LANCL2: variants seen among roughly 807,000 people sequenced by gnomAD.
LANCL2 encodes the protein LanC like glutathione S-transferase 2.
A neutral mutation model predicts 56.9 loss-of-function variants in LANCL2; 33 were observed. The ratio of observed to expected loss-of-function variants is 0.58; its 90% CI spans 0.44 to 0.78. The LOEUF (loss-of-function observed/expected upper bound fraction) is 0.78. Among genes scored for constraint, LANCL2 ranks in the 30% least tolerant of loss-of-function variants. The pLI is 0.00. For synonymous variants in LANCL2, 233 were observed against 228.2 expected (o/e 1.02, Z -0.19); for missense variants, 562 against 580.2 (o/e 0.97, Z 0.32).
At chr7:55,372,611 A>G (rs1789955940) in intron 1 of LANCL2, among the ~76,000 whole-genome samples, 1 of 152,238 alleles carries the variant, frequency 6.6e-6, no homozygotes, top group South Asian at 2.1e-4. Context: ...GTTAGTACCT[A>G]GGTACACATA....
At chr7:55,379,790 A>G (rs1361252404) in intron 1 of LANCL2, 1 of 152,596 alleles carries the variant, frequency 6.6e-6, no homozygotes, top group East Asian at 1.9e-4. Context: ...TTACAAGCAC[A>G]TCACCAAAAC....
At chr7:55,399,436 T>C (rs1329695279) in intron 3 of LANCL2, among the ~76,000 whole-genome samples, 1 of 149,964 alleles carries the variant, frequency 6.7e-6, no homozygotes, top group Middle Eastern at 3.2e-3. Context: ...GTCCGCCTCC[T>C]GGGTTCAAGG....
chr7:55,421,932 A>C (rs547908548), intron 6 of LANCL2, among the ~76,000 whole-genome samples: 1 of 151,518 alleles, frequency 6.6e-6, no homozygotes, highest in African/African-American at 2.4e-5. Flanking sequence ...GGTCCTCACT[A>C]TGTTGCCCAG....
intron 5 of LANCL2, among the ~76,000 whole-genome samples, chr7:55,405,907 A>T (rs200630212): frequency 7.9e-4 from 2 of 2,536 alleles, no homozygotes; most frequent in African/African-American, 0.014. Context: ...TAGAGCCAGC[A>T]TGGGGAGCTG....
At position 55,365,893 on chromosome 7, in the gene LANCL2, T is replaced by C; in HGVS notation, c.-133T>C. The C allele has an allele frequency of 1.6e-6, 1 of 644,070 alleles. No homozygotes were observed. The highest frequency in any genetic ancestry group is 2.4e-6 in the Non-Finnish European group (1 of 412,130). 39.9% of individuals were successfully genotyped at this position (644,070 alleles called of 1,614,324 possible). ...AGTGCACGCTCAGACGCCCCGCTCC[T>C]CCCGCCAGCGCGCGGCCTCGCTCCT... On this transcript the variant is annotated 5_prime_UTR_variant, in exon 1 of 9. Transcript: ENST00000254770.
chr7:55,430,724 C>T (rs12718964), intron 8 of LANCL2, among the ~76,000 whole-genome samples: 41,659 of 152,110 alleles, frequency 0.27, 6,214 homozygotes, highest in Non-Finnish European at 0.33. Context: ...CTACTAGCAC[C>T]TTCTCCACCC....
At chr7:55,422,958 C>T (rs1309307319) in intron 6 of LANCL2, among the ~76,000 whole-genome samples, 1 of 152,218 alleles carries the variant, frequency 6.6e-6, no homozygotes, top group Non-Finnish European at 1.5e-5. Flanking sequence ...AACAGGGACT[C>T]TAGCCCTGCC....
At position 55,404,870 on chromosome 7, in the gene LANCL2, T is replaced by C. The variant is rs191428693; in HGVS notation, c.825+3550T>C. On this transcript the variant is annotated intron_variant, in intron 5 of 8. Transcript: ENST00000254770. ...CTCTGGTGATCCACCCACCTCAGCC[T>C]CCCAAAGTACTGGGATTACAGGCTT... is the stretch of plus-strand genomic sequence containing the variant. Among the ~76,000 whole-genome samples the C allele has an allele frequency of 4.2e-3, 638 of 152,316 alleles. 4 individuals carry two copies. The highest frequency in any genetic ancestry group is 0.016 in the South Asian group (76 of 4,828).
At chr7:55,417,133 C>G (rs1790552534) in intron 6 of LANCL2, among the ~76,000 whole-genome samples, 1 of 151,954 alleles carries the variant, frequency 6.6e-6, no homozygotes, top group Admixed American at 6.6e-5. Flanking sequence ...GCGCCCGTCA[C>G]CACGCCTGGC....
chr7:55,428,725 GTTTA>G (rs1429462970), intron 8 of LANCL2, among the ~76,000 whole-genome samples: 33 of 152,250 alleles, frequency 2.2e-4, no homozygotes, highest in African/African-American at 7.7e-4. Context: ...GGAAGAAATA[GTTTA>G]CTCCTCTGCA....
chr7:55,421,175 A>G (rs558766774), intron 6 of LANCL2, among the ~76,000 whole-genome samples: 3 of 151,852 alleles, frequency 2.0e-5, no homozygotes, highest in African/African-American at 4.8e-5. Context: ...TATATATTTA[A>G]TGTAATTATT....
chr7:55,387,691 C>A (rs1790140327), intron 1 of LANCL2, among the ~76,000 whole-genome samples: 1 of 151,890 alleles, frequency 6.6e-6, no homozygotes. Flanking sequence ...AAATTATAAC[C>A]AACTTAATTA....
chr7:55,409,615 G>A (rs776500505), intron 5 of LANCL2, among the ~76,000 whole-genome samples: 7 of 152,150 alleles, frequency 4.6e-5, no homozygotes. Context: ...ATACAAGACA[G>A]GGGAGCAGAA....
intron 1 of LANCL2, among the ~76,000 whole-genome samples, chr7:55,387,032 T>C (rs986785526): frequency 2.0e-5 from 3 of 152,200 alleles, no homozygotes; most frequent in African/African-American, 7.2e-5. Context: ...CTCTAGAAGA[T>C]AAAAGTTTGG....
At chr7:55,414,061 A>G (rs370485202) in intron 6 of LANCL2, among the ~76,000 whole-genome samples, 1 of 152,368 alleles carries the variant, frequency 6.6e-6, no homozygotes, top group East Asian at 1.9e-4. Context: ...ATGTACAATT[A>G]TTATATATCA....
chr7:55,381,246 C>G (rs1158663033), intron 1 of LANCL2, among the ~76,000 whole-genome samples: 1 of 152,128 alleles, frequency 6.6e-6, no homozygotes, highest in African/African-American at 2.4e-5. Flanking sequence ...GTCTTTTATC[C>G]TGGAGCTAAG....
chr7:55,422,681 T>G (rs1790621324), intron 6 of LANCL2, among the ~76,000 whole-genome samples: 1 of 152,198 alleles, frequency 6.6e-6, no homozygotes, highest in African/African-American at 2.4e-5. Context: ...ATTTCTTCTG[T>G]TATGTCCAGC....
At chr7:55,386,853 T>C (rs1372940979) in intron 1 of LANCL2, among the ~76,000 whole-genome samples, 1 of 152,150 alleles carries the variant, frequency 6.6e-6, no homozygotes, top group African/African-American at 2.4e-5. Flanking sequence ...GATTGTGGAA[T>C]GTAGGATATT....
At position 55,425,383 on chromosome 7, in the gene LANCL2, C is replaced by T; in HGVS notation, c.1138C>T (p.Leu380Phe). 1 of 1,614,182 alleles carries T rather than the reference C, an allele frequency of 6.2e-7. No individual in the cohort carries two copies. Among genetic ancestry groups the T allele is most frequent in the Non-Finnish European group, 8.5e-7 (1 of 1,180,024 alleles). ...TGGCAACGGCTATTCCTTCCTGTCCCTTTACCGTCTCACGCAGGATAAGAA... is the reference window on the plus strand; with the variant it reads ...TGGCAACGGCTATTCCTTCCTGTCCTTTTACCGTCTCACGCAGGATAAGAA... ...TAGNGYSFLS[L>F]YRLTQDKKYL... The change falls in exon 7 of 9, where the codon CTT becomes TTT. Residue 380 changes from leucine (L) to phenylalanine (F), a missense_variant. By Grantham distance (22) the Leu-to-Phe change is conservative (BLOSUM62 0). Around this residue, in one of 2 missense-constraint regions of LANCL2, gnomAD observed 378 missense variants for 468.4 expected, o/e 0.81. Coordinates refer to ENST00000254770, the MANE Select transcript of LANCL2 (RefSeq NM_018697.4).
Sources: gnomAD v4.1 joint callset for allele counts (sites outside exome capture counted in the v4.1 genomes callset) on GRCh38, gnomAD v4.1.1 for gene constraint, gnomAD v4.1.1 regional missense constraint, MANE v1.5 for transcripts, NCBI Gene and HGNC (gene_info 2026-07-23, HGNC 2026-07-21) for gene names.